The following TBC1D17 variants were observed in gnomAD, a reference collection of about 807,000 sequenced individuals.
TBC1D17 encodes the protein TBC1 domain family, member 17.
TBC1D17 carries 69 observed loss-of-function variants against 78.8 expected under a neutral mutation model. The ratio of observed to expected loss-of-function variants is 0.88; its 90% CI spans 0.72 to 1.07. The LOEUF (loss-of-function observed/expected upper bound fraction) is 1.07, where lower values mean the gene tolerates loss of function less well. Among genes scored for constraint, TBC1D17 ranks in the 50% least tolerant of loss-of-function variants. The pLI is 0.00. For synonymous variants in TBC1D17, 456 were observed against 358.3 expected, an observed-to-expected ratio of 1.27 and a Z score of -3.08; for missense variants, 957 against 861.0, an observed-to-expected ratio of 1.11 and a Z score of -1.39.
intron 3 of TBC1D17, 124 bp from the exon 4 acceptor site, chr19:49,880,155 G>A: frequency 7.8e-7 from 1 of 1,281,824 alleles, no homozygotes; most frequent in Admixed American, 2.3e-5. Flanking sequence ...ACCGCACCCG[G>A]CCTGCTGTAC....
At chr19:49,885,146 C>CT (rs766770934) in intron 13 of TBC1D17, 34 of 260,062 alleles carry the variant, frequency 1.3e-4, no homozygotes, top group Non-Finnish European at 1.9e-4. Flanking sequence ...TGCATCCCAG[C>CT]TTTAACATTT....
Position 49,888,746 on chromosome 19 carries a change from G to A in TBC1D17, c.*122G>A, listed in dbSNP as rs2075089371. On this transcript the variant is annotated 3_prime_UTR_variant, in exon 17 of 17. Coordinates refer to ENST00000221543, the MANE Select transcript of TBC1D17 (RefSeq NM_024682.3). ...GCTTCATTAAACTGACACTTCTCAT[G>A]TGCAGTTGGCTTCTTGTTGGTGGGG... 2 of 948,004 alleles carry A rather than the reference G, an allele frequency of 2.1e-6. No individual in the cohort carries two copies. The highest frequency in any genetic ancestry group is 3.4e-5 in the African/African-American group (2 of 59,142). The allele number at this position is 948,004 out of a possible 1,614,324, so 58.7% of individuals were successfully genotyped here.
chr19:49,880,030 A>G lies in TBC1D17; in HGVS notation c.196-249A>G, dbSNP rs138568989. Among the ~76,000 whole-genome samples the G allele has an allele frequency of 3.4e-3, 508 of 150,166 alleles. 5 individuals are homozygous for G. Among genetic ancestry groups the G allele is most frequent in the African/African-American group, 0.011 (465 of 40,856 alleles). On this transcript the variant is annotated intron_variant, in intron 3 of 16. Transcript: ENST00000221543. ...CACCATGCCTGGCTAATTTTTTTGT[A>G]TTTTTTTAGTAGAAACGAGGTTTCT...
chr19:49,886,830 C>T (rs111933184), intron 13 of TBC1D17: 2 of 152,616 alleles, frequency 1.3e-5, no homozygotes, highest in Non-Finnish European at 2.9e-5. Context: ...GAGTCTCGCT[C>T]TGTTACCCAG....
chr19:49,882,364 C>G lies in TBC1D17; in HGVS notation c.762C>G (p.Asp254Glu), dbSNP rs751204115. 1.5e-4 allele frequency: 248 copies of G among 1,609,110 alleles called. No individual in the cohort carries two copies. Among genetic ancestry groups the G allele is most frequent in the Non-Finnish European group, 1.9e-4 (224 of 1,179,956 alleles). Reference sequence around the variant, plus strand: ...CCTCCGACCTTCCCCCGCCACCCGACGATGAGCCCGAGCCTGGATTCGAGG... The same window carrying G: ...CCTCCGACCTTCCCCCGCCACCCGAGGATGAGCCCGAGCCTGGATTCGAGG... ...GAASDLPPPP[D>E]DEPEPGFEVI... The change falls in exon 7 of 17, where the codon GAC becomes GAG. Residue 254 changes from aspartate (D) to glutamate (E), a missense_variant. By Grantham distance (45) the Asp-to-Glu change is conservative. Transcript: ENST00000221543.
In TBC1D17 at chr19:49,880,460, C is replaced by T. The variant is rs1161286093; in HGVS notation, c.319+58C>T. 2.2e-5 allele frequency: 35 copies of T among 1,586,404 alleles called. No homozygotes were observed. The East Asian group carries it at 7.5e-4, about 34-fold the overall frequency. ...TGTGGGCCAGGTAGGACACATCTTG[C>T]CCTCAGTGGTCACGGTCCCAAGGGC... On this transcript the variant is annotated intron_variant, in intron 4 of 16. Coordinates refer to ENST00000221543, the MANE Select transcript of TBC1D17 (RefSeq NM_024682.3).
In TBC1D17 at chr19:49,888,744, A is replaced by G. The variant is rs2075089322; in HGVS notation, c.*120A>G. 2 of 959,850 alleles carry G rather than the reference A, an allele frequency of 2.1e-6. No homozygotes were observed. The highest frequency in any genetic ancestry group is 2.7e-5 in the East Asian group (1 of 36,608). 59.5% of individuals were successfully genotyped at this position (959,850 alleles called of 1,614,324 possible). A position where few individuals can be genotyped will look rare whatever the true frequency, so the allele number is the denominator to read the frequency against. On this transcript the variant is annotated 3_prime_UTR_variant, in exon 17 of 17. Coordinates refer to ENST00000221543, the MANE Select transcript of TBC1D17 (RefSeq NM_024682.3). ...TGGCTTCATTAAACTGACACTTCTC[A>G]TGTGCAGTTGGCTTCTTGTTGGTGG...
At chr19:49,881,781 C>T (rs1479175306) in intron 5 of TBC1D17, among the ~76,000 whole-genome samples, 1 of 152,182 alleles carries the variant, frequency 6.6e-6, no homozygotes, top group Non-Finnish European at 1.5e-5. Flanking sequence ...AACAAGATCC[C>T]AGAGCTGCTT....
At chr19:49,887,694 C>A in intron 14 of TBC1D17, 24 bp from the exon 15 acceptor site, 1 of 1,611,968 alleles carries the variant, frequency 6.2e-7, no homozygotes, top group Non-Finnish European at 8.5e-7. Flanking sequence ...GACCTCCCTC[C>A]CTCCCTCTGT....
chr19:49,881,767 T>G (rs752366289), intron 5 of TBC1D17, among the ~76,000 whole-genome samples: 4 of 152,184 alleles, frequency 2.6e-5, no homozygotes, highest in African/African-American at 7.2e-5. Context: ...TTTCCCCACG[T>G]TCCAACAAGA....
rs780324937 is a variant in TBC1D17, at chr19:49,888,219, C to T, written c.1660-12C>T. Reference sequence around the variant, plus strand: ...GAGTGCCGACTGGCGCCTGACCCACCCCCTCCCGCAGCACATCAACGAGCT... The same window carrying T: ...GAGTGCCGACTGGCGCCTGACCCACTCCCTCCCGCAGCACATCAACGAGCT... On this transcript the variant is annotated splice_polypyrimidine_tract_variant and intron_variant, in intron 15 of 16. Coordinates refer to ENST00000221543, the MANE Select transcript of TBC1D17 (RefSeq NM_024682.3). 15 of 1,571,502 alleles carry T rather than the reference C, an allele frequency of 9.5e-6. No individual in the cohort carries two copies. The East Asian group carries it at 3.5e-4, about 37-fold the overall frequency.
intron 4 of TBC1D17, among the ~76,000 whole-genome samples, chr19:49,880,667 C>T (rs2075005213): frequency 6.6e-6 from 1 of 152,214 alleles, no homozygotes; most frequent in African/African-American, 2.4e-5. Context: ...CCAGGCCTGC[C>T]CCTGAGGTTC....
chr19:49,878,271 C>G (rs779166451), intron 2 of TBC1D17, 30 bp downstream of exon 2: 1 of 1,541,358 alleles, frequency 6.5e-7, no homozygotes, highest in Non-Finnish European at 8.8e-7. Flanking sequence ...GGCTCGGACC[C>G]GCTCCGAGCG....
chr19:49,882,438 G>T, intron 7 of TBC1D17, 38 bp downstream of exon 7: 1 of 1,579,476 alleles, frequency 6.3e-7, no homozygotes, highest in South Asian at 1.1e-5. Context: ...ATTTCTGGCC[G>T]TGTCTCCCTG....
intron 3 of TBC1D17, 144 bp from the exon 4 acceptor site, chr19:49,880,135 G>A (rs8109732): frequency 0.028 from 28,352 of 1,013,528 alleles, 646 homozygotes; most frequent in South Asian, 0.081. Context: ...TGGGATTACA[G>A]GCGTGAGCCA....
In TBC1D17 at chr19:49,888,226, C is replaced by G. The variant is rs1300206060; in HGVS notation, c.1660-5C>G. ...GACTGGCGCCTGACCCACCCCCTCCCGCAGCACATCAACGAGCTGACTATG... is the reference window on the plus strand; with the variant it reads ...GACTGGCGCCTGACCCACCCCCTCCGGCAGCACATCAACGAGCTGACTATG... On this transcript the variant is annotated splice_region_variant and splice_polypyrimidine_tract_variant and intron_variant, in intron 15 of 16. Transcript: ENST00000221543. 1 of 1,576,916 alleles carries G rather than the reference C, an allele frequency of 6.3e-7. No individual in the cohort carries two copies. Among genetic ancestry groups the G allele is most frequent in the Admixed American group, 1.8e-5 (1 of 54,892 alleles).
At chr19:49,880,493 C>G (rs2075003814) in intron 4 of TBC1D17, 91 bp downstream of exon 4, 1 of 1,495,122 alleles carries the variant, frequency 6.7e-7, no homozygotes, top group Non-Finnish European at 9.0e-7. Context: ...GGCTTTGCTG[C>G]CCACAATCAA....
At position 49,880,428 on chromosome 19, in the gene TBC1D17, A is replaced by G. The variant is rs200065940; in HGVS notation, c.319+26A>G. ...GTAGGCTGAGGTGGCGGCCCTTGAG[A>G]AGCACGTGTGGGCCAGGTAGGACAC... On this transcript the variant is annotated intron_variant, in intron 4 of 16. Coordinates refer to ENST00000221543, the MANE Select transcript of TBC1D17 (RefSeq NM_024682.3). The G allele has an allele frequency of 8.7e-6, 14 of 1,611,156 alleles. No homozygotes were observed. The East Asian group carries it at 3.1e-4, about 36-fold the overall frequency.
At chr19:49,881,514 A>G (rs762785101) in intron 5 of TBC1D17, 39 bp downstream of exon 5, 1 of 1,586,856 alleles carries the variant, frequency 6.3e-7, no homozygotes. Context: ...AACCGGGCCC[A>G]GTCCCACCAT....
Sources: gnomAD v4.1 joint callset for allele counts (sites outside exome capture counted in the v4.1 genomes callset) on GRCh38, gnomAD v4.1.1 for gene constraint, MANE v1.5 for transcripts, NCBI Gene and HGNC (gene_info 2026-07-23, HGNC 2026-07-21) for gene names.